The following NOP56 variants were observed in gnomAD, a reference collection of about 807,000 sequenced individuals.
The protein encoded by NOP56 is NOP56 ribonucleoprotein.
In NOP56, 31 loss-of-function variants were observed where a neutral mutation model predicts 58.3. That is an observed-to-expected ratio of 0.53 (90% CI 0.40 to 0.72). The LOEUF is 0.72. Ranked by LOEUF, NOP56 falls within the 30% of genes least tolerant of loss-of-function variation. The probability of loss-of-function intolerance (pLI) is 0.00; values close to 1 mark genes in which losing one functional copy is unlikely to be tolerated. For missense variants in NOP56, 669 were observed against 739.9 expected (o/e 0.90, Z 1.11); for synonymous variants, 313 against 282.8 (o/e 1.11, Z -1.07).
intron 5 of NOP56, 131 bp from the exon 6 acceptor site, chr20:2,655,194 C>T: frequency 1.6e-6 from 2 of 1,251,572 alleles, no homozygotes; most frequent in Non-Finnish European, 2.4e-6. Flanking sequence ...AATGGGGGAA[C>T]ATAGAATTGA....
In NOP56 at chr20:2,654,819, G is replaced by T; in HGVS notation, c.441G>T (p.Gly147=). The change falls in exon 5 of 12, where the codon GGG becomes GGT. Residue 147 remains glycine, a synonymous_variant. Coordinates refer to ENST00000329276, the MANE Select transcript of NOP56 (RefSeq NM_006392.4). ...TDLSACKAQL[G]LGHSYSRAKV... ...TGTCAGCTTGTAAAGCACAGCTGGGGCTGGGACACAGCTATTCCCGTGCCA... is the reference window on the plus strand; with the variant it reads ...TGTCAGCTTGTAAAGCACAGCTGGGTCTGGGACACAGCTATTCCCGTGCCA... 1 of 1,614,210 alleles carries T rather than the reference G, an allele frequency of 6.2e-7. No individual in the cohort carries two copies. Among genetic ancestry groups the T allele is most frequent in the African/African-American group, 1.3e-5 (1 of 75,058 alleles).
At chr20:2,657,784 T>C in intron 11 of NOP56, 145 bp from the exon 12 acceptor site, 1 of 893,394 alleles carries the variant, frequency 1.1e-6, no homozygotes. Flanking sequence ...TTGGGGTGGA[T>C]TTCTAAAGTT....
intron 3 of NOP56, 120 bp downstream of exon 3, chr20:2,653,513 T>A (rs769106508): frequency 2.7e-5 from 20 of 750,376 alleles, no homozygotes; most frequent in African/African-American, 5.2e-5. Flanking sequence ...CGTGAGGCAG[T>A]ATTTGAGCCA....
At chr20:2,657,768 C>A in intron 11 of NOP56, 161 bp from the exon 12 acceptor site, 1 of 751,004 alleles carries the variant, frequency 1.3e-6, no homozygotes, top group South Asian at 2.5e-5. Context: ...TAATTTGGGA[C>A]AGCCTTTGGG....
In NOP56 at chr20:2,655,362, A is replaced by C; in HGVS notation, c.607A>C (p.Ile203Leu). 1 of 1,614,110 alleles carries C rather than the reference A, an allele frequency of 6.2e-7. No individual in the cohort carries two copies. The highest frequency in any genetic ancestry group is 1.3e-5 in the African/African-American group (1 of 75,004). The part of the protein sequence containing the change: ...YGYHFPELVK[I>L]INDNATYCRL... ...GTATCACTTTCCGGAGCTGGTGAAG[A>C]TCATCAACGACAATGCCACATACTG... Residue 203 changes from isoleucine to leucine, a missense_variant, in exon 6 of 12, where the codon ATC becomes CTC. Transcript: ENST00000329276.
intron 3 of NOP56, chr20:2,653,691 C>T (rs914978109): frequency 1.4e-5 from 4 of 286,184 alleles, no homozygotes; most frequent in Admixed American, 4.8e-5. Context: ...GGAGTCTGTC[C>T]CCCAGGCTGG....
Position 2,656,466 on chromosome 20 carries a change from G to A in NOP56, c.1076G>A (p.Arg359Gln), listed in dbSNP as rs774972076. The change falls in exon 9 of 12, where the codon CGA becomes CAA. Residue 359 changes from arginine to glutamine, a missense_variant. Physicochemically the swap from Arg to Gln is conservative, Grantham distance 43. This residue lies in a region of NOP56 where 339 missense variants were observed against 430.5 expected (regional missense o/e 0.79). Coordinates refer to ENST00000329276, the MANE Select transcript of NOP56 (RefSeq NM_006392.4). ...GLIFHSTFIG[R>Q]AAAKNKGRIS... ...ATTTTCCACTCCACCTTCATTGGCC[G>A]AGCAGCTGCCAAGAACAAAGGCCGC... 39 of 1,614,000 alleles carry A rather than the reference G, an allele frequency of 2.4e-5. No individual in the cohort carries two copies. The highest frequency in any genetic ancestry group is 2.2e-4 in the Admixed American group (13 of 59,984).
In NOP56 at chr20:2,653,324, C is replaced by G. The variant is rs2086775748; in HGVS notation, c.139C>G (p.Arg47Gly). Residue 47 changes from arginine to glycine, a missense_variant, in exon 3 of 12, where the codon CGT (arginine) becomes GGT (glycine). This residue lies in a region of NOP56 where 121 missense variants were observed against 113.1 expected (regional missense o/e 1.07). Transcript: ENST00000329276. ...CCTGGGCAAATTCCACAGCATCGTT[C>G]GTCTGGTGGCCTTTTGTCCCTTTGC... ...LNLGKFHSIV[R>G]LVAFCPFASS... The G allele has an allele frequency of 1.2e-6, 2 of 1,614,042 alleles. No individual in the cohort carries two copies. The highest frequency in any genetic ancestry group is 1.7e-5 in the Admixed American group (1 of 60,006).
In NOP56 at chr20:2,652,850, GCACGTGCTGTTT is replaced by G; in HGVS notation, c.13_24del (p.His5_Phe8del). ...CCCGGCTCCCGTTCCAGGTGCTGTT[GCACGTGCTGTTT>G]GAGCACGCGGTCGGCTACGCGCTGC... is the stretch of plus-strand genomic sequence containing the variant. On this transcript the variant is annotated inframe_deletion, in exon 2 of 12. Coordinates refer to ENST00000329276, the MANE Select transcript of NOP56 (RefSeq NM_006392.4). 2 of 1,611,140 alleles carry G rather than the reference GCACGTGCTGTTT, an allele frequency of 1.2e-6. No homozygotes were observed. Among genetic ancestry groups the G allele is most frequent in the Non-Finnish European group, 1.7e-6 (2 of 1,179,132 alleles).
intron 6 of NOP56, 23 bp from the exon 7 acceptor site, chr20:2,655,572 C>A (rs742842): frequency 0.17 from 273,368 of 1,613,972 alleles, 24,868 homozygotes; most frequent in Admixed American, 0.21. Context: ...TGGCCTCTTG[C>A]ATTCACACTT....
rs748506789 is a variant in NOP56, at chr20:2,655,309, C to G, written c.570-16C>G. On this transcript the variant is annotated splice_polypyrimidine_tract_variant and intron_variant, in intron 5 of 11. Transcript: ENST00000329276. ...ATGAAGCAGCTGGGCCAGGGAGTGA[C>G]TGTGGCTCTTTGCAGGGAGTGGTAC... The G allele has an allele frequency of 6.2e-7, 1 of 1,614,164 alleles. No individual in the cohort carries two copies. Among genetic ancestry groups the G allele is most frequent in the South Asian group, 1.1e-5 (1 of 91,088 alleles).
At chr20:2,653,244 G>A in intron 2 of NOP56, 35 bp from the exon 3 acceptor site, 1 of 1,545,852 alleles carries the variant, frequency 6.5e-7, no homozygotes, top group Non-Finnish European at 8.9e-7. Context: ...GCAGGAGGGA[G>A]GGAAGGAAAC....
Position 2,655,985 on chromosome 20 carries a change from T to C in NOP56, c.961T>C (p.Tyr321His), listed in dbSNP as rs770802582. 6.2e-7 allele frequency: 1 copy of C among 1,614,170 alleles called. No individual in the cohort carries two copies. Among genetic ancestry groups the C allele is most frequent in the Non-Finnish European group, 8.5e-7 (1 of 1,180,028 alleles). ...TGGCAGCCTCACCAACCTGGCCAAG[T>C]ATCCAGCATCCACAGTGCAGATCCT... Reference protein sequence around the residue: ...HAGSLTNLAKYPASTVQILGA... With the variant: ...HAGSLTNLAKHPASTVQILGA... Residue 321 changes from tyrosine (Y) to histidine (H), a missense_variant, in exon 8 of 12, where the codon TAT (tyrosine) becomes CAT (histidine). Physicochemically the swap from Tyr to His is moderately conservative, Grantham distance 83. Coordinates refer to ENST00000329276, the MANE Select transcript of NOP56 (RefSeq NM_006392.4).
chr20:2,655,022 C>T, intron 5 of NOP56, 75 bp downstream of exon 5: 7 of 1,549,988 alleles, frequency 4.5e-6, no homozygotes, highest in South Asian at 1.1e-5. Context: ...TTGATGAGGA[C>T]TGACCATCCT....
intron 8 of NOP56, 115 bp downstream of exon 8, chr20:2,656,149 G>T (rs772943478): frequency 1.2e-6 from 2 of 1,610,012 alleles, no homozygotes; most frequent in Non-Finnish European, 1.7e-6. Context: ...CCTCTGCTAT[G>T]GGGGTGATGG....
chr20:2,653,077 C>T, intron 2 of NOP56, 146 bp downstream of exon 2: 2 of 799,318 alleles, frequency 2.5e-6, no homozygotes, highest in Admixed American at 2.8e-5. Context: ...GGGGTCTTTA[C>T]CTTGACCCAT....
rs769682497 is a variant in NOP56 at position 2,652,945 on chromosome 20, G to A, written c.93+14G>A. The A allele has an allele frequency of 1.3e-6, 2 of 1,583,360 alleles. No homozygotes were observed. The highest frequency in any genetic ancestry group is 2.3e-5 in the South Asian group (2 of 88,604). ...CTGCAGCCGCAGGTGGGTGAGATCC[G>A]TGGGCTCCTTTGGCGGCCCCGCAGA... On this transcript the variant is annotated intron_variant, in intron 2 of 11. Coordinates refer to ENST00000329276, the MANE Select transcript of NOP56 (RefSeq NM_006392.4).
rs145327848 is a variant in NOP56 at position 2,656,241 on chromosome 20, T to C, written c.1011-160T>C. 1.7e-4 allele frequency: 272 copies of C among 1,605,196 alleles called. 1 individual carries two copies. The East Asian group carries it at 6.0e-3, about 36-fold the overall frequency. On this transcript the variant is annotated intron_variant, in intron 8 of 11. Coordinates refer to ENST00000329276, the MANE Select transcript of NOP56 (RefSeq NM_006392.4). ...TCAGCGACATTGGATGCCTTCCCTC[T>C]GCCTCTGGGAGCTATGGGTTGGCAT...
intron 11 of NOP56, chr20:2,657,558 TG>T (rs1040388318): frequency 9.3e-6 from 5 of 538,856 alleles, no homozygotes; most frequent in African/African-American, 5.7e-5. Flanking sequence ...ACAGTGGGGA[TG>T]GGGGCAGGGA....
Sources: allele counts gnomAD v4.1 joint callset, GRCh38; gene constraint gnomAD v4.1.1; regional missense constraint gnomAD v4.1.1; transcripts MANE v1.5; gene names NCBI Gene and HGNC (gene_info 2026-07-23, HGNC 2026-07-21).